TTBK2: variants seen among roughly 807,000 people sequenced by gnomAD.
The protein encoded by TTBK2 is tau-tubulin kinase 2.
Under a neutral mutation model 110.8 loss-of-function variants are expected in TTBK2, and 28 were observed. That is an observed-to-expected ratio of 0.25 (90% CI 0.19 to 0.35). TTBK2 has a LOEUF of 0.35. Among genes scored for constraint, TTBK2 ranks in the 10% least tolerant of loss-of-function variants. The pLI, the probability that TTBK2 is intolerant of heterozygous loss-of-function variation, is 1.00. For synonymous variants in TTBK2, 532 were observed against 527.3 expected (o/e 1.01, Z -0.12); for missense variants, 1,369 against 1,500.3 (o/e 0.91, Z 1.45).
In TTBK2 at chr15:42,793,205, T is replaced by G. The variant is rs561748551; in HGVS notation, c.980+1439A>C. 7.2e-5 allele frequency among the ~76,000 whole-genome samples: 11 copies of G among 152,290 alleles called. 1 individual carries two copies. The East Asian group carries it at 1.3e-3, about 19-fold the overall frequency. ...GTGCCCCACTTCTAGGCATTCTGATTCAGTAGGTCTAGGGTAGGTCCCAGG... is the reference window on the plus strand; with the variant it reads ...GTGCCCCACTTCTAGGCATTCTGATGCAGTAGGTCTAGGGTAGGTCCCAGG... On this transcript the variant is annotated intron_variant, in intron 10 of 14. Coordinates refer to ENST00000267890, the MANE Select transcript of TTBK2 (RefSeq NM_173500.4).
chr15:42,790,846 T>C (rs1224588179), intron 10 of TTBK2, among the ~76,000 whole-genome samples: 1 of 151,906 alleles, frequency 6.6e-6, no homozygotes, highest in African/African-American at 2.4e-5. Flanking sequence ...ACTACAGGTG[T>C]GCGCCATCAT....
At chr15:42,833,785 G>A (rs1325899459) in intron 4 of TTBK2, among the ~76,000 whole-genome samples, 3 of 151,980 alleles carry the variant, frequency 2.0e-5, no homozygotes, top group Non-Finnish European at 4.4e-5. Context: ...CAAGGCAGGC[G>A]GATCACGAGA....
intron 10 of TTBK2, among the ~76,000 whole-genome samples, chr15:42,787,181 T>C (rs1338948452): frequency 1.3e-5 from 2 of 152,208 alleles, no homozygotes; most frequent in African/African-American, 4.8e-5. Flanking sequence ...TGTTTACACG[T>C]TGGCCATGGC....
chr15:42,810,274 A>C (rs1424829162), intron 9 of TTBK2, among the ~76,000 whole-genome samples: 1 of 152,202 alleles, frequency 6.6e-6, no homozygotes, highest in East Asian at 1.9e-4. Flanking sequence ...CTAGTTGGAC[A>C]TTTCCTTCTG....
chr15:42,757,376 G>A (rs1325974447), intron 13 of TTBK2, among the ~76,000 whole-genome samples: 1 of 152,112 alleles, frequency 6.6e-6, no homozygotes, highest in Non-Finnish European at 1.5e-5. Flanking sequence ...CTCCCAAAGT[G>A]CTGGGATTAC....
chr15:42,919,862 G>A (rs887950693), intron 1 of TTBK2: 2 of 981,238 alleles, frequency 2.0e-6, no homozygotes, highest in Middle Eastern at 5.2e-4. Flanking sequence ...GAACATATAC[G>A]TGAGTCTTTT....
intron 2 of TTBK2, among the ~76,000 whole-genome samples, chr15:42,874,575 C>A (rs1894738081): frequency 6.6e-6 from 1 of 152,028 alleles, no homozygotes; most frequent in South Asian, 2.1e-4. Context: ...CCTCTGCCTC[C>A]CAAAGTGCTG....
intron 13 of TTBK2, among the ~76,000 whole-genome samples, chr15:42,758,869 G>T (rs2061983541): frequency 6.6e-6 from 1 of 152,154 alleles, no homozygotes; most frequent in Non-Finnish European, 1.5e-5. Flanking sequence ...CGAGCCTGGA[G>T]CCTGGAGCCT....
rs966332790 is a variant in TTBK2 at position 42,857,894 on chromosome 15, C to T, written c.217+14717G>A. Among the ~76,000 whole-genome samples, 3 of 151,838 alleles carry T rather than the reference C, an allele frequency of 2.0e-5. No homozygotes were observed. In the South Asian group the frequency reaches 6.2e-4, roughly 32 times the overall value. ...GATCACGAGTTCAAGACCAGCCTGG[C>T]CAACATGGTGAAACTCTGTCTCTAC... On this transcript the variant is annotated intron_variant, in intron 3 of 14. Transcript: ENST00000267890.
chr15:42,822,639 G>C (rs1336174336), intron 6 of TTBK2, among the ~76,000 whole-genome samples: 1 of 152,102 alleles, frequency 6.6e-6, no homozygotes, highest in East Asian at 1.9e-4. Context: ...ATTAAGGAAG[G>C]ACTTAAATGT....
At chr15:42,810,934 G>A (rs775382933) in intron 8 of TTBK2, among the ~76,000 whole-genome samples, 195 bp from the exon 9 acceptor site, 3 of 152,090 alleles carry the variant, frequency 2.0e-5, no homozygotes, top group Non-Finnish European at 2.9e-5. Context: ...AATGCAGAAC[G>A]AAACAAGTAG....
chr15:42,775,395 CA>C lies in TTBK2; in HGVS notation c.1737del (p.Asp580MetfsTer21). The C allele has an allele frequency of 6.2e-7, 1 of 1,614,230 alleles. No individual in the cohort carries two copies. The highest frequency in any genetic ancestry group is 8.5e-7 in the Non-Finnish European group (1 of 1,180,046). ...AVGHKTTGSPSDEEPEVLQVL... is the reference protein window; with the variant it reads ...AVGHKTTGSPXDEEPEVLQVL... ...ACTTGAAGTACTTCAGGCTCCTCAT[CA>C]GAAGGACTTCCAGTTGTTTTATGTC... On this transcript the variant is annotated frameshift_variant, in exon 13 of 15. Coordinates refer to ENST00000267890, the MANE Select transcript of TTBK2 (RefSeq NM_173500.4). LOFTEE classifies it high-confidence loss of function.
chr15:42,915,582 C>T (rs560620705), intron 1 of TTBK2, among the ~76,000 whole-genome samples: 8 of 152,276 alleles, frequency 5.3e-5, no homozygotes, highest in African/African-American at 1.9e-4. Context: ...GGAATGCATG[C>T]CCCTTAGATG....
chr15:42,894,843 T>C (rs1217381478), intron 1 of TTBK2, among the ~76,000 whole-genome samples: 1 of 152,084 alleles, frequency 6.6e-6, no homozygotes, highest in African/African-American at 2.4e-5. Context: ...AATCCAGCAA[T>C]ACATAAAACG....
chr15:42,830,935 G>A (rs903516760), intron 4 of TTBK2, among the ~76,000 whole-genome samples: 3 of 151,906 alleles, frequency 2.0e-5, no homozygotes, highest in African/African-American at 7.3e-5. Flanking sequence ...AACCAGGGAG[G>A]CGGAGGTTGC....
intron 1 of TTBK2, among the ~76,000 whole-genome samples, chr15:42,901,656 CTT>C (rs1444883199): frequency 6.7e-6 from 1 of 149,632 alleles, no homozygotes; most frequent in Non-Finnish European, 1.5e-5. Context: ...AAATTTAAAA[CTT>C]TTGTGCATCA....
intron 9 of TTBK2, among the ~76,000 whole-genome samples, chr15:42,805,419 C>T (rs951153749): frequency 1.3e-5 from 2 of 152,142 alleles, no homozygotes; most frequent in Non-Finnish European, 2.9e-5. Flanking sequence ...AAACTGACAT[C>T]TGAGTTGGGC....
chr15:42,860,559 T>C (rs550739935), intron 3 of TTBK2, among the ~76,000 whole-genome samples: 1 of 149,702 alleles, frequency 6.7e-6, no homozygotes, highest in African/African-American at 2.5e-5. Context: ...CCAACTGAAC[T>C]CCTTGAGCCC....
chr15:42,822,580 T>G (rs1363691230), intron 6 of TTBK2, among the ~76,000 whole-genome samples: 3 of 151,968 alleles, frequency 2.0e-5, no homozygotes, highest in Non-Finnish European at 4.4e-5. Flanking sequence ...CTGATATGAC[T>G]GCAGCAGACC....
Sources: gnomAD v4.1 joint callset for allele counts (sites outside exome capture counted in the v4.1 genomes callset) on GRCh38, gnomAD v4.1.1 for gene constraint, MANE v1.5 for transcripts, NCBI Gene and HGNC (gene_info 2026-07-23, HGNC 2026-07-21) for gene names.